SSBP2: variants seen among roughly 807,000 people sequenced by gnomAD.
SSBP2 encodes the protein single-stranded DNA-binding protein 2.
SSBP2 carries 17 observed loss-of-function variants against 61.8 expected under a neutral mutation model. The observed-to-expected ratio is 0.28, with a 90% CI of 0.19 to 0.41. The LOEUF (loss-of-function observed/expected upper bound fraction) is 0.41. SSBP2 is among the 10% of genes least tolerant of loss of function. The pLI is 1.00. For synonymous variants in SSBP2, 139 were observed against 141.3 expected (o/e 0.98, Z 0.12); for missense variants, 310 against 458.7 (o/e 0.68, Z 2.96).
chr5:81,750,924 G>C, intron 1 of SSBP2, 57 bp downstream of exon 1: 2 of 1,531,092 alleles, frequency 1.3e-6, no homozygotes, highest in Non-Finnish European at 8.9e-7. Context: ...GTGCGAGTGC[G>C]TGCGTGAGTG....
chr5:81,420,509 C>T lies in SSBP2; in HGVS notation c.1081G>A (p.Val361Met). The change falls in exon 17 of 17, where the codon GTG (valine) becomes ATG (methionine). Residue 361 changes from valine (V) to methionine (M), a missense_variant. This residue lies in a region of SSBP2 where 44 missense variants were observed against 86.2 expected (regional missense o/e 0.51). Coordinates refer to ENST00000320672, the MANE Select transcript of SSBP2 (RefSeq NM_012446.5). ...TGAGGAGACTTGGTAATGGATCACA[C>T]GCTCATTGTCATGCTAGGGGAGTAC... is the stretch of plus-strand genomic sequence containing the variant. The T allele has an allele frequency of 2.5e-6, 4 of 1,613,754 alleles. No homozygotes were observed. The highest frequency in any genetic ancestry group is 1.1e-5 in the South Asian group (1 of 91,068).
chr5:81,679,050 C>T (rs1221161583), intron 1 of SSBP2, among the ~76,000 whole-genome samples: 1 of 152,108 alleles, frequency 6.6e-6, no homozygotes, highest in Admixed American at 6.5e-5. Context: ...CACTCTGTCG[C>T]CCAGGCTGAA....
intron 4 of SSBP2, among the ~76,000 whole-genome samples, chr5:81,602,445 A>C (rs724913): frequency 0.73 from 110,377 of 151,986 alleles, 41,483 homozygotes; most frequent in East Asian, 0.93. Flanking sequence ...TTATTAGAAG[A>C]CCTTTTGTTT....
chr5:81,622,391 T>C (rs1351244917), intron 3 of SSBP2, among the ~76,000 whole-genome samples: 1 of 152,038 alleles, frequency 6.6e-6, no homozygotes, highest in Non-Finnish European at 1.5e-5. Flanking sequence ...CCTATAAAAG[T>C]GGAAGGTAGA....
At chr5:81,572,216 A>T (rs1773891216) in intron 4 of SSBP2, among the ~76,000 whole-genome samples, 1 of 152,208 alleles carries the variant, frequency 6.6e-6, no homozygotes. Context: ...ATCTGAAAAT[A>T]AATCTGAGTA....
At chr5:81,738,076 A>G (rs182775005) in intron 1 of SSBP2, among the ~76,000 whole-genome samples, 1 of 152,318 alleles carries the variant, frequency 6.6e-6, no homozygotes, top group East Asian at 1.9e-4. Context: ...TCGTGCCTTC[A>G]AATGATACAA....
At chr5:81,424,390 T>C (rs1286004674) in intron 16 of SSBP2, among the ~76,000 whole-genome samples, 3 of 151,956 alleles carry the variant, frequency 2.0e-5, no homozygotes, top group African/African-American at 4.8e-5. Context: ...CACCATTGCA[T>C]TCCAGCCTGG....
intron 5 of SSBP2, among the ~76,000 whole-genome samples, chr5:81,496,707 C>CA (rs1767311179): frequency 7.2e-6 from 1 of 139,418 alleles, no homozygotes; most frequent in African/African-American, 3.1e-5. Flanking sequence ...GGAAGTTTAA[C>CA]TTTTTAAAGT....
At position 81,418,245 on chromosome 5, in the gene SSBP2, A is replaced by G. The variant is rs958035877; in HGVS notation, c.*2259T>C. On this transcript the variant is annotated 3_prime_UTR_variant, in exon 17 of 17. Transcript: ENST00000320672. The stretch of plus-strand genomic sequence containing the variant: ...CAGGTTACCCTGGCTTGAGGTAAAG[A>G]CCTTTTCATCTGAATTTGCATGAAA... 2 of 152,212 alleles carry G rather than the reference A, an allele frequency of 1.3e-5. No individual in the cohort carries two copies. Among genetic ancestry groups the G allele is most frequent in the Non-Finnish European group, 1.5e-5 (1 of 68,044 alleles). 9.4% of individuals were successfully genotyped at this position (152,212 alleles called of 1,614,324 possible).
At chr5:81,610,549 G>A (rs1371466098) in intron 4 of SSBP2, among the ~76,000 whole-genome samples, 2 of 152,026 alleles carry the variant, frequency 1.3e-5, no homozygotes, top group Non-Finnish European at 2.9e-5. Context: ...ACTGTGGCTG[G>A]CTGCAAATAA....
Position 81,638,517 on chromosome 5 carries a change from T to G in SSBP2, c.136-1899A>C, listed in dbSNP as rs996444800. ...CAGCCTGACAGAGCAAGACTCCGTC[T>G]CAGAGGGAAAAAAAAAAAAGGAGTA... On this transcript the variant is annotated intron_variant, in intron 2 of 16. Transcript: ENST00000320672. Among the ~76,000 whole-genome samples the G allele has an allele frequency of 1.2e-3, 182 of 149,600 alleles. 1 individual carries two copies. Among genetic ancestry groups the G allele is most frequent in the African/African-American group, 4.4e-3 (178 of 40,470 alleles).
Position 81,600,884 on chromosome 5 carries a change from C to T in SSBP2, c.282+14589G>A, listed in dbSNP as rs111948176. On this transcript the variant is annotated intron_variant, in intron 4 of 16. Transcript: ENST00000320672. ...AGGCAATTCTTTCCTTTAGAAATGC[C>T]TTCTTTATAACTTTTCAGATTTGGT... 6.1e-3 allele frequency among the ~76,000 whole-genome samples: 923 copies of T among 152,138 alleles called. 8 individuals are homozygous for T. Among genetic ancestry groups the T allele is most frequent in the African/African-American group, 0.021 (873 of 41,518 alleles).
At chr5:81,532,120 G>A (rs976307343) in intron 4 of SSBP2, among the ~76,000 whole-genome samples, 2 of 152,006 alleles carry the variant, frequency 1.3e-5, no homozygotes, top group Non-Finnish European at 2.9e-5. Context: ...CATATACAGA[G>A]CCAAGTTTAT....
At chr5:81,528,046 G>A (rs1413721873) in intron 4 of SSBP2, among the ~76,000 whole-genome samples, 2 of 151,734 alleles carry the variant, frequency 1.3e-5, no homozygotes, top group African/African-American at 4.8e-5. Flanking sequence ...TATGGTTTCT[G>A]TAACTCTTGC....
In SSBP2 at chr5:81,565,226, A is replaced by G. The variant is rs1773333434; in HGVS notation, c.282+50247T>C. Reference sequence around the variant, plus strand: ...GTCCAATAATGGAGCACAATATCTGAAATTAACCTCTCTTTAAAAAATCTA... The same window carrying G: ...GTCCAATAATGGAGCACAATATCTGGAATTAACCTCTCTTTAAAAAATCTA... On this transcript the variant is annotated intron_variant, in intron 4 of 16. Coordinates refer to ENST00000320672, the MANE Select transcript of SSBP2 (RefSeq NM_012446.5). 2.0e-5 allele frequency among the ~76,000 whole-genome samples: 3 copies of G among 152,316 alleles called. No individual in the cohort carries two copies. In the South Asian group the frequency reaches 6.2e-4, roughly 32 times the overall value.
At chr5:81,490,655 C>T (rs999740444) in intron 5 of SSBP2, among the ~76,000 whole-genome samples, 2 of 152,212 alleles carry the variant, frequency 1.3e-5, no homozygotes, top group South Asian at 4.1e-4. Context: ...CTCAGGTTTT[C>T]CAGAGCTGTT....
chr5:81,667,704 T>C (rs1459476208), intron 1 of SSBP2, among the ~76,000 whole-genome samples: 1 of 152,090 alleles, frequency 6.6e-6, no homozygotes, highest in Non-Finnish European at 1.5e-5. Flanking sequence ...TTTAAGTGGG[T>C]GAAAGACTTG....
At chr5:81,613,689 T>C (rs1745682763) in intron 4 of SSBP2, among the ~76,000 whole-genome samples, 1 of 152,236 alleles carries the variant, frequency 6.6e-6, no homozygotes, top group Non-Finnish European at 1.5e-5. Flanking sequence ...TAATGCCATC[T>C]AGTTGTCAAA....
intron 1 of SSBP2, among the ~76,000 whole-genome samples, chr5:81,728,733 T>C (rs1244163913): frequency 6.6e-6 from 1 of 152,236 alleles, no homozygotes; most frequent in African/African-American, 2.4e-5. Flanking sequence ...GTCTGAATCA[T>C]TTTAAAATAT....
Sources: allele counts gnomAD v4.1 joint callset (sites outside exome capture counted in the v4.1 genomes callset), GRCh38; gene constraint gnomAD v4.1.1; regional missense constraint gnomAD v4.1.1; transcripts MANE v1.5; gene names NCBI Gene and HGNC (gene_info 2026-07-23, HGNC 2026-07-21).